Variants in LLGL2 observed in about 807,000 individuals in gnomAD.
LLGL2 encodes LLGL2, scribble cell polarity complex component.
Under a neutral mutation model 123.2 loss-of-function variants are expected in LLGL2, and 81 were observed. That is an observed-to-expected ratio of 0.66 (90% CI 0.55 to 0.79). The LOEUF (loss-of-function observed/expected upper bound fraction) is 0.79, where lower values mean the gene tolerates loss of function less well. Among genes scored for constraint, LLGL2 ranks in the 30% least tolerant of loss-of-function variants. The pLI is 0.00. For synonymous variants in LLGL2, 577 were observed against 594.1 expected (o/e 0.97, Z 0.42); for missense variants, 1,273 against 1,414.6 (o/e 0.90, Z 1.61).
At chr17:75,557,718 C>G in intron 3 of LLGL2, 1 of 318,684 alleles carries the variant, frequency 3.1e-6, no homozygotes, top group Non-Finnish European at 6.2e-6. Context: ...TAATCATTGC[C>G]AGGCCACAGC....
chr17:75,555,321 G>T (rs145540577), intron 2 of LLGL2, among the ~76,000 whole-genome samples: 1 of 145,426 alleles, frequency 6.9e-6, no homozygotes, highest in Non-Finnish European at 1.5e-5. Context: ...ACGGAGTCTC[G>T]CTCTGTCGCC....
chr17:75,567,753 G>A (rs1449152578), intron 10 of LLGL2, among the ~76,000 whole-genome samples: 1 of 151,848 alleles, frequency 6.6e-6, no homozygotes, highest in African/African-American at 2.4e-5. Flanking sequence ...ACCAGCCTGA[G>A]CAACATGGCG....
At position 75,548,342 on chromosome 17, in the gene LLGL2, A is replaced by G. The variant is rs527272611; in HGVS notation, c.75+4841A>G. On this transcript the variant is annotated intron_variant, in intron 2 of 25. Coordinates refer to ENST00000392550, the MANE Select transcript of LLGL2 (RefSeq NM_001031803.2). ...GCCCGGGCTGGAGTGCAATGGTACCATCTCAGCTCACTGCAACCTCTGCCT... is the reference window on the plus strand; with the variant it reads ...GCCCGGGCTGGAGTGCAATGGTACCGTCTCAGCTCACTGCAACCTCTGCCT... 2.7e-3 allele frequency among the ~76,000 whole-genome samples: 399 copies of G among 147,430 alleles called. 1 individual carries two copies. Among genetic ancestry groups the G allele is most frequent in the African/African-American group, 9.7e-3 (388 of 39,916 alleles).
intron 1 of LLGL2, among the ~76,000 whole-genome samples, chr17:75,532,837 C>T (rs1045071431): frequency 4.6e-5 from 7 of 152,218 alleles, no homozygotes; most frequent in Non-Finnish European, 5.9e-5. Context: ...CCAGGCATGA[C>T]GTCCACAGGG....
chr17:75,559,365 G>T lies in LLGL2; in HGVS notation c.485G>T (p.Arg162Leu), dbSNP rs61744731. 6.2e-7 allele frequency: 1 copy of T among 1,613,118 alleles called. No homozygotes were observed. Among genetic ancestry groups the T allele is most frequent in the Admixed American group, 1.7e-5 (1 of 59,898 alleles). The change falls in exon 6 of 26, where the codon CGT (arginine) becomes CTT (leucine). Residue 162 changes from arginine to leucine, a missense_variant. By Grantham distance (102) the Arg-to-Leu change is moderately radical (BLOSUM62 -2). Coordinates refer to ENST00000392550, the MANE Select transcript of LLGL2 (RefSeq NM_001031803.2). The surrounding 1 kb of genome is among the most constrained non-coding windows in gnomAD (Gnocchi z 4.6). ...TTTGTGGTGCAGCTGCCAGCTTTTC[G>T]TGCGCTGGAGGACCGGACCATCAGC... Reference protein sequence around the residue: ...NVFVVQLPAFRALEDRTISSD... With the variant: ...NVFVVQLPAFLALEDRTISSD...
Position 75,558,305 on chromosome 17 carries a change from C to A in LLGL2, c.255+69C>A. The stretch of plus-strand genomic sequence containing the variant: ...CTTGCCTTCACTGCTTCCAGCAGGG[C>A]TGGTGTGGAGAGGCTGGCATTCGGT... On this transcript the variant is annotated intron_variant, in intron 4 of 25. Transcript: ENST00000392550. This position sits in a 1 kb window ranked among gnomAD's most constrained non-coding sequence, Gnocchi z 4.0. The A allele has an allele frequency of 1.4e-6, 2 of 1,473,296 alleles. No homozygotes were observed. The highest frequency in any genetic ancestry group is 1.9e-6 in the Non-Finnish European group (2 of 1,066,606). The allele number at this position is 1,473,296 out of a possible 1,614,324, so 91.3% of individuals were successfully genotyped here.
intron 19 of LLGL2, among the ~76,000 whole-genome samples, chr17:75,572,376 G>T (rs967940556): frequency 6.6e-6 from 1 of 150,828 alleles, no homozygotes; most frequent in Non-Finnish European, 1.5e-5. Context: ...AAAATAGCCC[G>T]GCATGGGCCA....
intron 2 of LLGL2, 42 bp from the exon 3 acceptor site, chr17:75,556,004 G>A: frequency 6.6e-7 from 1 of 1,505,406 alleles, no homozygotes; most frequent in Non-Finnish European, 9.2e-7. Flanking sequence ...TGGCGCGAAG[G>A]GGACAGGTCT....
intron 6 of LLGL2, among the ~76,000 whole-genome samples, chr17:75,561,815 G>A (rs563738703): frequency 6.2e-4 from 95 of 152,048 alleles, no homozygotes; most frequent in Middle Eastern, 6.8e-3. Context: ...CCTGATACTC[G>A]GGAGGCTGAG....
At chr17:75,570,652 G>A (rs1044359520) in intron 16 of LLGL2, 154 bp downstream of exon 16, 17 of 476,040 alleles carry the variant, frequency 3.6e-5, no homozygotes, top group Non-Finnish European at 4.7e-5. Flanking sequence ...GACAGGTCAC[G>A]CTGCTTCTCT....
intron 6 of LLGL2, among the ~76,000 whole-genome samples, chr17:75,561,171 T>TA (rs199816974): frequency 0.013 from 1,995 of 151,872 alleles, 47 homozygotes; most frequent in African/African-American, 0.043. Flanking sequence ...TGATGACACT[T>TA]ATCTAAGTTT....
At chr17:75,569,768 G>A (rs567459595) in intron 14 of LLGL2, among the ~76,000 whole-genome samples, 195 bp from the exon 15 acceptor site, 63 of 150,632 alleles carry the variant, frequency 4.2e-4, no homozygotes, top group African/African-American at 1.4e-3. Context: ...GTGCCACTGC[G>A]CTCCAGCCTG....
upstream of LLGL2, chr17:75,525,263 C>G (rs1444280309): frequency 6.6e-6 from 1 of 151,452 alleles, no homozygotes; most frequent in Non-Finnish European, 1.5e-5. The surrounding 1 kb of genome is among the most constrained non-coding windows in gnomAD (Gnocchi z 4.8). Flanking sequence ...GGGCTGGAAA[C>G]CCGGCCCTGC....
At position 75,549,733 on chromosome 17, in the gene LLGL2, C is replaced by T. The variant is rs528800910; in HGVS notation, c.75+6232C>T. Among the ~76,000 whole-genome samples the T allele has an allele frequency of 6.6e-6, 1 of 152,194 alleles. No homozygotes were observed. Among genetic ancestry groups the T allele is most frequent in the Non-Finnish European group, 1.5e-5 (1 of 68,034 alleles). On this transcript the variant is annotated intron_variant, in intron 2 of 25. Transcript: ENST00000392550. The surrounding 1 kb of genome is among the most constrained non-coding windows in gnomAD (Gnocchi z 4.0). ...GTGCCCACCACTGCCTCCTTCCCAC[C>T]CCCTGAGGAGTGCCAGGGACTCCTC...
In LLGL2 at chr17:75,569,955, C is replaced by G; in HGVS notation, c.1582-8C>G. Reference sequence around the variant, plus strand: ...AGGGCTTGCTGAGCCACCTGCCACCCTGCGCAGGTGCTGGTACTGGAACTG... The same window carrying G: ...AGGGCTTGCTGAGCCACCTGCCACCGTGCGCAGGTGCTGGTACTGGAACTG... On this transcript the variant is annotated splice_polypyrimidine_tract_variant and splice_region_variant and intron_variant, in intron 14 of 25. Transcript: ENST00000392550. The G allele has an allele frequency of 2.5e-6, 4 of 1,576,626 alleles. No homozygotes were observed. Among genetic ancestry groups the G allele is most frequent in the Non-Finnish European group, 3.5e-6 (4 of 1,157,726 alleles).
Position 75,558,079 on chromosome 17 carries a change from G to A in LLGL2, c.174-76G>A. The A allele has an allele frequency of 7.3e-7, 1 of 1,367,312 alleles. No individual in the cohort carries two copies. Among genetic ancestry groups the A allele is most frequent in the Non-Finnish European group, 1.0e-6 (1 of 956,756 alleles). The allele number at this position is 1,367,312 out of a possible 1,614,324, so 84.7% of individuals were successfully genotyped here. A position where few individuals can be genotyped will look rare whatever the true frequency, so the allele number is the denominator to read the frequency against. On this transcript the variant is annotated intron_variant, in intron 3 of 25. Transcript: ENST00000392550. The surrounding 1 kb of genome is among the most constrained non-coding windows in gnomAD (Gnocchi z 4.0). ...TCTGTGTTTGCATCATTGCACATGG[G>A]CCCCGAGGGCCTGGCACTCAAGGCA...
chr17:75,533,080 AGCTCT>A (rs2053863581), intron 1 of LLGL2, among the ~76,000 whole-genome samples: 1 of 151,584 alleles, frequency 6.6e-6, no homozygotes, highest in African/African-American at 2.4e-5. Flanking sequence ...GCTCACTGCA[AGCTCT>A]GCCTCCCGGG....
At chr17:75,557,385 G>A (rs1391086284) in intron 3 of LLGL2, among the ~76,000 whole-genome samples, 1 of 152,228 alleles carries the variant, frequency 6.6e-6, no homozygotes, top group African/African-American at 2.4e-5. Context: ...GCCTGAGGCT[G>A]GATGTTGTCC....
At chr17:75,556,246 A>T in intron 3 of LLGL2, 103 bp downstream of exon 3, 1 of 886,014 alleles carries the variant, frequency 1.1e-6, no homozygotes, top group Non-Finnish European at 1.8e-6. Context: ...TTGGGATAAA[A>T]TGAGGGACTT....
Sources: gnomAD v4.1 joint callset for allele counts (sites outside exome capture counted in the v4.1 genomes callset) on GRCh38, gnomAD v4.1.1 for gene constraint, Gnocchi (gnomAD v3.1) non-coding constraint, MANE v1.5 for transcripts, NCBI Gene and HGNC (gene_info 2026-07-23, HGNC 2026-07-21) for gene names.